The following SNX29 variants were observed in gnomAD, a reference collection of about 807,000 sequenced individuals.
SNX29 encodes sorting nexin 29.
Under a neutral mutation model 102.1 loss-of-function variants are expected in SNX29, and 78 were observed. The observed-to-expected ratio is 0.76, with a 90% CI of 0.64 to 0.92. The LOEUF (loss-of-function observed/expected upper bound fraction) is 0.92, where lower values mean the gene tolerates loss of function less well. Ranked by LOEUF, SNX29 falls within the 40% of genes least tolerant of loss-of-function variation. The pLI is 0.00. For missense variants in SNX29, 1,280 were observed against 1,061.7 expected (o/e 1.21, Z -2.86); for synonymous variants, 580 against 414.5 (o/e 1.40, Z -4.85).
intron 20 of SNX29, chr16:12,526,711 G>T (rs1468835893): frequency 4.1e-6 from 2 of 487,476 alleles, no homozygotes; most frequent in Admixed American, 2.7e-5. Context: ...TTAGCCAGTT[G>T]TTCCTAAGAT....
chr16:12,572,923 TTTC>T lies in SNX29; in HGVS notation c.*4298_*4300del, dbSNP rs2079218684. The T allele has an allele frequency of 5.4e-5, 51 of 940,240 alleles. No homozygotes were observed. Among genetic ancestry groups the T allele is most frequent in the Non-Finnish European group, 6.4e-5 (49 of 766,086 alleles). 58.2% of individuals were successfully genotyped at this position (940,240 alleles called of 1,614,324 possible). On this transcript the variant is annotated 3_prime_UTR_variant, in exon 21 of 21. Coordinates refer to ENST00000566228, the MANE Select transcript of SNX29 (RefSeq NM_032167.5). ...TCGGAATCACGGCAGACTTGGAGTGTTTCTTCAAGGCAGGCATCTGCTTATGAG... is the reference window on the plus strand; with the variant it reads ...TCGGAATCACGGCAGACTTGGAGTGTTTCAAGGCAGGCATCTGCTTATGAG...
chr16:12,527,393 A>G, intron 20 of SNX29: 1 of 490,432 alleles, frequency 2.0e-6, no homozygotes, highest in Non-Finnish European at 3.9e-6. Context: ...GCCTAAGGAA[A>G]TAAACCCCCA....
chr16:12,199,688 G>T lies in SNX29; in HGVS notation c.1678+5G>T, dbSNP rs904043162. ...GAGAAGGTCAAACAGCTGAAGGTGA[G>T]GGGGAGCCTGAGCCCGGGTTGGGAG... On this transcript the variant is annotated splice_donor_5th_base_variant and intron_variant, in intron 14 of 20. Coordinates refer to ENST00000566228, the MANE Select transcript of SNX29 (RefSeq NM_032167.5). The T allele has an allele frequency of 6.2e-7, 1 of 1,610,376 alleles. No homozygotes were observed. The highest frequency in any genetic ancestry group is 8.5e-7 in the Non-Finnish European group (1 of 1,178,184).
At chr16:12,139,110 A>G (rs1301022415) in intron 13 of SNX29, among the ~76,000 whole-genome samples, 1 of 150,346 alleles carries the variant, frequency 6.7e-6, no homozygotes, top group Non-Finnish European at 1.5e-5. Flanking sequence ...GAATAAGAGA[A>G]TCACTTGGGC....
At chr16:12,059,911 A>G (rs1488489453) in intron 8 of SNX29, among the ~76,000 whole-genome samples, 2 of 152,206 alleles carry the variant, frequency 1.3e-5, no homozygotes, top group South Asian at 2.1e-4. Context: ...CTTAGTGCTG[A>G]TGGCCTTGGA....
rs544578084 is a variant in SNX29, at chr16:12,534,461, G to GGC, written c.2318+9621_2318+9622dup. Among the ~76,000 whole-genome samples the GGC allele has an allele frequency of 3.3e-5, 5 of 152,328 alleles. No individual in the cohort carries two copies. In the East Asian group the frequency reaches 9.7e-4, roughly 29 times the overall value. ...CTGTAGAAAGAACGCAGATTAGGGA[G>GGC]GCTTTGGTTTTTGTTTTCGGGGTTT... On this transcript the variant is annotated intron_variant, in intron 20 of 20. Coordinates refer to ENST00000566228, the MANE Select transcript of SNX29 (RefSeq NM_032167.5).
At chr16:12,459,282 C>T (rs960840508) in intron 18 of SNX29, among the ~76,000 whole-genome samples, 7 of 151,782 alleles carry the variant, frequency 4.6e-5, no homozygotes, top group African/African-American at 1.5e-4. Context: ...CCTCACAGGC[C>T]AAGAAATGTG....
chr16:12,504,684 C>T (rs541336692), intron 19 of SNX29, among the ~76,000 whole-genome samples: 160 of 152,230 alleles, frequency 1.1e-3, no homozygotes, highest in African/African-American at 3.7e-3. Flanking sequence ...TGTAATATAT[C>T]GTTATAATTG....
chr16:12,096,684 C>T lies in SNX29; in HGVS notation c.1402+17769C>T, dbSNP rs2052780800. Among the ~76,000 whole-genome samples, 1 of 152,182 alleles carries T rather than the reference C, an allele frequency of 6.6e-6. No individual in the cohort carries two copies. The highest frequency in any genetic ancestry group is 2.4e-5 in the African/African-American group (1 of 41,436). On this transcript the variant is annotated intron_variant, in intron 11 of 20. Transcript: ENST00000566228. This position sits in a 1 kb window ranked among gnomAD's most constrained non-coding sequence, Gnocchi z 4.2. ...GTGGGAGTGATGTACTCTTTGTTAT[C>T]TGTGGCACTGAACAACCGCCACTCG... is the stretch of plus-strand genomic sequence containing the variant.
intron 20 of SNX29, among the ~76,000 whole-genome samples, chr16:12,540,063 C>T (rs1029155045): frequency 1.2e-4 from 19 of 152,178 alleles, no homozygotes; most frequent in African/African-American, 3.6e-4. Flanking sequence ...CCAGATCATG[C>T]TTTTGGTGTC....
intron 20 of SNX29, among the ~76,000 whole-genome samples, chr16:12,543,296 G>A (rs2141270965): frequency 1.3e-5 from 2 of 152,288 alleles, no homozygotes; most frequent in Middle Eastern, 3.4e-3. Context: ...CGTGCCTGTG[G>A]CCCGGGGAAT....
Position 12,571,630 on chromosome 16 carries a change from C to T in SNX29, c.*3001C>T. On this transcript the variant is annotated 3_prime_UTR_variant, in exon 21 of 21. Transcript: ENST00000566228. ...GGTTCCATCTTTCACATCTTTTTTT[C>T]TCCCCCAGATGAAAGACGACTCAGG... 4 of 1,059,486 alleles carry T rather than the reference C, an allele frequency of 3.8e-6. No homozygotes were observed. Among genetic ancestry groups the T allele is most frequent in the Non-Finnish European group, 4.6e-6 (4 of 875,784 alleles). 65.6% of individuals were successfully genotyped at this position (1,059,486 alleles called of 1,614,324 possible).
At chr16:12,470,444 C>G (rs2087281356) in intron 18 of SNX29, among the ~76,000 whole-genome samples, 1 of 152,224 alleles carries the variant, frequency 6.6e-6, no homozygotes, top group African/African-American at 2.4e-5. Flanking sequence ...TAAAATAGCA[C>G]TCTTGCCCGG....
In SNX29 at chr16:12,568,988, G is replaced by A. The variant is rs984723461; in HGVS notation, c.*359G>A. The A allele has an allele frequency of 9.1e-6, 3 of 328,660 alleles. No individual in the cohort carries two copies. The highest frequency in any genetic ancestry group is 4.2e-5 in the African/African-American group (2 of 47,816). The allele number at this position is 328,660 out of a possible 1,614,324, so 20.4% of individuals were successfully genotyped here. On this transcript the variant is annotated 3_prime_UTR_variant, in exon 21 of 21. Transcript: ENST00000566228. ...TGCGCCATGGTTGAGAGGCAAAGGT[G>A]ATCCCCTATATAGGAAGGTTCATGC... is the stretch of plus-strand genomic sequence containing the variant.
intron 14 of SNX29, among the ~76,000 whole-genome samples, chr16:12,214,625 A>C (rs2077274298): frequency 6.6e-6 from 1 of 151,562 alleles, no homozygotes; most frequent in East Asian, 1.9e-4. Flanking sequence ...ACAGAGAGAG[A>C]GCCTCTCTCC....
rs377266517 is a variant in SNX29, at chr16:12,046,359, T to C, written c.429-25T>C. On this transcript the variant is annotated intron_variant, in intron 5 of 20. Coordinates refer to ENST00000566228, the MANE Select transcript of SNX29 (RefSeq NM_032167.5). ...CACAGAGAACCACTGCTAAGAACGA[T>C]TTCCTTTTCTCTTTCAATCTGCAGC... 3.6e-5 allele frequency: 58 copies of C among 1,611,426 alleles called. No individual in the cohort carries two copies. In the African/African-American group the frequency reaches 4.4e-4, roughly 12 times the overall value.
At chr16:12,483,114 G>GGTTTTTTTTTT (rs1555549921) in intron 19 of SNX29, among the ~76,000 whole-genome samples, 1 of 66,196 alleles carries the variant, frequency 1.5e-5, no homozygotes. Flanking sequence ...AAGTTATTAA[G>GGTTTTTTTTTT]TTTTTTTTTT....
chr16:12,338,653 C>G (rs184150884), intron 15 of SNX29, among the ~76,000 whole-genome samples: 1 of 152,212 alleles, frequency 6.6e-6, no homozygotes, highest in African/African-American at 2.4e-5. Context: ...ACAGCCCATA[C>G]TATATCCCCA....
At chr16:12,222,743 A>G (rs1805218992) in intron 14 of SNX29, among the ~76,000 whole-genome samples, 1 of 151,962 alleles carries the variant, frequency 6.6e-6, no homozygotes, top group Admixed American at 6.6e-5. Context: ...TAATTTTTGT[A>G]TTTTTAGTAG....
Sources: allele counts gnomAD v4.1 joint callset (sites outside exome capture counted in the v4.1 genomes callset), GRCh38; gene constraint gnomAD v4.1.1; non-coding constraint Gnocchi (gnomAD v3.1); transcripts MANE v1.5; gene names NCBI Gene and HGNC (gene_info 2026-07-23, HGNC 2026-07-21).